GPN3: variants seen among roughly 807,000 people sequenced by gnomAD.
GPN3 encodes ATP-binding domain 1 family member C.
In GPN3, 31 loss-of-function variants were observed where a neutral mutation model predicts 38.7. The ratio of observed to expected loss-of-function variants is 0.80; its 90% CI spans 0.60 to 1.08. GPN3 has a LOEUF of 1.08. Ranked by LOEUF, GPN3 falls within the 50% of genes least tolerant of loss-of-function variation. GPN3 has a pLI of 0.00. For synonymous variants in GPN3, 116 were observed against 120.2 expected (o/e 0.96, Z 0.23); for missense variants, 301 against 354.4 (o/e 0.85, Z 1.21).
At chr12:110,462,918 G>A (rs1400452037) in intron 2 of GPN3, among the ~76,000 whole-genome samples, 3 of 152,026 alleles carry the variant, frequency 2.0e-5, no homozygotes, top group Admixed American at 6.6e-5. Context: ...CACCATGCCC[G>A]GCTAGTTTTT....
rs904980431 is a variant in GPN3, at chr12:110,458,876, T to G, written c.325+819A>C. Among the ~76,000 whole-genome samples, 9 of 152,152 alleles carry G rather than the reference T, an allele frequency of 5.9e-5. No homozygotes were observed. Among genetic ancestry groups the G allele is most frequent in the African/African-American group, 2.2e-4 (9 of 41,422 alleles). ...CCTACCAGTCACACCTCATGACAAT[T>G]GCCTCTTTGTTTATTATGCTCCAGC... On this transcript the variant is annotated intron_variant, in intron 3 of 7. Coordinates refer to ENST00000228827, the MANE Select transcript of GPN3 (RefSeq NM_016301.4). This position sits in a 1 kb window ranked among gnomAD's most constrained non-coding sequence, Gnocchi z 4.4.
At chr12:110,463,782 CAAA>C (rs780635794) in intron 2 of GPN3, among the ~76,000 whole-genome samples, 3 of 115,918 alleles carry the variant, frequency 2.6e-5, no homozygotes, top group African/African-American at 6.1e-5. Flanking sequence ...GACCCTGTCT[CAAA>C]AAAAAAAAAA....
chr12:110,453,782 G>T lies in GPN3; in HGVS notation c.753C>A (p.Ala251=). ...MNIVLQHIDF[A]IQYGEDLEFK... is the part of the protein sequence containing the mutation. ...ATTCTAGGTCTTCTCCATATTGAATGGCAAAATCAATATGCTGCAATACAA... is the reference window on the plus strand; with the variant it reads ...ATTCTAGGTCTTCTCCATATTGAATTGCAAAATCAATATGCTGCAATACAA... Residue 251 remains alanine, a synonymous_variant, in exon 7 of 8, where the codon GCC becomes GCA. Transcript: ENST00000228827. 6.3e-7 allele frequency: 1 copy of T among 1,591,978 alleles called. No individual in the cohort carries two copies. The highest frequency in any genetic ancestry group is 1.1e-5 in the South Asian group (1 of 90,578).
At chr12:110,455,126 AT>A (rs201656067) in intron 6 of GPN3, among the ~76,000 whole-genome samples, 1 of 149,812 alleles carries the variant, frequency 6.7e-6, no homozygotes, top group Non-Finnish European at 1.5e-5. Flanking sequence ...GCCTGGCCTA[AT>A]TTTTTTTTGT....
At chr12:110,456,642 T>C (rs2062551797) in intron 4 of GPN3, among the ~76,000 whole-genome samples, 1 of 151,918 alleles carries the variant, frequency 6.6e-6, no homozygotes, top group South Asian at 2.1e-4. Context: ...AAATAGACTA[T>C]TTTATAAAAT....
rs770798356 is a variant in GPN3 at position 110,457,621 on chromosome 12, C to T, written c.339G>A (p.Leu113=). The T allele has an allele frequency of 6.3e-7, 1 of 1,595,914 alleles. No homozygotes were observed. The highest frequency in any genetic ancestry group is 8.5e-7 in the Non-Finnish European group (1 of 1,170,216). The change falls in exon 4 of 8, where the codon TTG becomes TTA. Residue 113 remains leucine, a synonymous_variant. Coordinates refer to ENST00000228827, the MANE Select transcript of GPN3 (RefSeq NM_016301.4). ...ILFDCPGQIE[L]YTHLPVMKQL... ...GTTTCATCACAGGCAGGTGAGTGTA[C>T]AACTCAATCTGACCTACATGAAGAG...
chr12:110,454,700 T>C (rs1205564494), intron 6 of GPN3, among the ~76,000 whole-genome samples: 2 of 151,842 alleles, frequency 1.3e-5, no homozygotes, highest in Non-Finnish European at 2.9e-5. Flanking sequence ...CTCTGCTGCC[T>C]AGGCTAGAGC....
In GPN3 at chr12:110,461,042, G is replaced by A. The variant is rs2062584302; in HGVS notation, c.158-1180C>T. ...GAAAAAGGGCCATTCTGCCATCAAC[G>A]AAGTGGTAACCCGAGAATACACCAT... is the stretch of plus-strand genomic sequence containing the variant. On this transcript the variant is annotated intron_variant, in intron 2 of 7. Coordinates refer to ENST00000228827, the MANE Select transcript of GPN3 (RefSeq NM_016301.4). 1.4e-5 allele frequency: 22 copies of A among 1,589,638 alleles called. 1 individual carries two copies. In the South Asian group the frequency reaches 2.1e-4, roughly 15 times the overall value.
At chr12:110,461,443 T>C (rs917247979) in intron 2 of GPN3, 8 of 561,802 alleles carry the variant, frequency 1.4e-5, no homozygotes, top group Middle Eastern at 4.7e-4. Context: ...CAAACAAAAA[T>C]AGAAAAATTA....
At chr12:110,463,321 T>C (rs1273121995) in intron 2 of GPN3, among the ~76,000 whole-genome samples, 2 of 151,056 alleles carry the variant, frequency 1.3e-5, no homozygotes, top group South Asian at 2.1e-4. Context: ...CCAGGCATGA[T>C]AGTGTGTGCC....
chr12:110,462,858 G>A (rs138763504), intron 2 of GPN3, among the ~76,000 whole-genome samples: 2,159 of 152,254 alleles, frequency 0.014, 49 homozygotes, highest in African/African-American at 0.049. Flanking sequence ...CCGGGTGCAC[G>A]CCATTCTCCT....
chr12:110,463,411 C>T (rs1419003696), intron 2 of GPN3, among the ~76,000 whole-genome samples: 1 of 135,112 alleles, frequency 7.4e-6, no homozygotes, highest in Non-Finnish European at 1.5e-5. Context: ...GATCAGGCTA[C>T]TATACTATAT....
At position 110,458,037 on chromosome 12, in the gene GPN3, A is replaced by T. The variant is rs764857557; in HGVS notation, c.326-403T>A. On this transcript the variant is annotated intron_variant, in intron 3 of 7. Coordinates refer to ENST00000228827, the MANE Select transcript of GPN3 (RefSeq NM_016301.4). This position sits in a 1 kb window ranked among gnomAD's most constrained non-coding sequence, Gnocchi z 4.4. ...ATGCTGAGGCACAAGAATTGCTTAA[A>T]CCCGGGAGGAGGAGGCTGCAGTGAG... Among the ~76,000 whole-genome samples the T allele has an allele frequency of 2.6e-5, 4 of 151,916 alleles. No homozygotes were observed. Among genetic ancestry groups the T allele is most frequent in the African/African-American group, 7.3e-5 (3 of 41,342 alleles).
Position 110,453,826 on chromosome 12 carries a change from C to G in GPN3, c.709G>C (p.Asp237His). ...MVRFLPYDQS[D>H]EESMNIVLQH... Reference sequence around the variant, plus strand: ...AATACAATGTTCATGCTTTCTTCATCTGACTGATCGTAAGGTAAAAATCGA... The same window carrying G: ...AATACAATGTTCATGCTTTCTTCATGTGACTGATCGTAAGGTAAAAATCGA... Residue 237 changes from aspartate to histidine, a missense_variant, in exon 7 of 8, where the codon GAT becomes CAT. By Grantham distance (81) the Asp-to-His change is moderately conservative (BLOSUM62 -1). Coordinates refer to ENST00000228827, the MANE Select transcript of GPN3 (RefSeq NM_016301.4). The G allele has an allele frequency of 6.2e-7, 1 of 1,600,566 alleles. No homozygotes were observed. The highest frequency in any genetic ancestry group is 8.6e-7 in the Non-Finnish European group (1 of 1,167,720).
rs748504832 is a variant in GPN3, at chr12:110,453,837, T to C, written c.698A>G (p.Tyr233Cys). The C allele has an allele frequency of 4.8e-5, 77 of 1,605,336 alleles. No homozygotes were observed. The highest frequency in any genetic ancestry group is 8.0e-5 in the African/African-American group (6 of 74,778). The part of the protein sequence containing the change: ...DDYSMVRFLP[Y>C]DQSDEESMNI... ...CATGCTTTCTTCATCTGACTGATCG[T>C]AAGGTAAAAATCGAACCATGCTGTA... The change falls in exon 7 of 8, where the codon TAC becomes TGC. Residue 233 changes from tyrosine (Y) to cysteine (C), a missense_variant. By Grantham distance (194) the Tyr-to-Cys change is radical. Transcript: ENST00000228827.
At chr12:110,454,208 G>A (rs1193212536) in intron 6 of GPN3, among the ~76,000 whole-genome samples, 3 of 151,904 alleles carry the variant, frequency 2.0e-5, no homozygotes, top group Admixed American at 1.3e-4. Flanking sequence ...TTTATTTATT[G>A]GCCACTACCA....
rs764050990 is a variant in GPN3 at position 110,455,886 on chromosome 12, TAG to T, written c.493_494del (p.Leu165ArgfsTer16). The stretch of plus-strand genomic sequence containing the variant: ...TCATGATGTTGACTTGCGGAATTTC[TAG>T]AGAGATCATGGCACTCAGGGCTGCC... Reference protein sequence around the residue: ...ILAALSAMISLEIPQVNIMTK... With the variant: ...ILAALSAMISXEIPQVNIMTK... On this transcript the variant is annotated frameshift_variant, in exon 5 of 8. Transcript: ENST00000228827. LOFTEE classifies it high-confidence loss of function. The T allele has an allele frequency of 1.7e-5, 28 of 1,610,914 alleles. No homozygotes were observed. The highest frequency in any genetic ancestry group is 2.4e-5 in the Non-Finnish European group (28 of 1,177,028).
chr12:110,458,001 G>A lies in GPN3; in HGVS notation c.326-367C>T, dbSNP rs999791359. On this transcript the variant is annotated intron_variant, in intron 3 of 7. Coordinates refer to ENST00000228827, the MANE Select transcript of GPN3 (RefSeq NM_016301.4). The surrounding 1 kb of genome is among the most constrained non-coding windows in gnomAD (Gnocchi z 4.4). ...AAAAATTAGCCAGGCGTGGTGGTGC[G>A]CGCCTGTGGGATGCTGAGGCACAAG... 2.0e-5 allele frequency among the ~76,000 whole-genome samples: 3 copies of A among 151,954 alleles called. No individual in the cohort carries two copies. Among genetic ancestry groups the A allele is most frequent in the African/African-American group, 7.2e-5 (3 of 41,380 alleles).
In GPN3 at chr12:110,453,743, C is replaced by T. The variant is rs201798540; in HGVS notation, c.792G>A (p.Lys264=). Residue 264 remains lysine (K), a splice_region_variant and synonymous_variant, in exon 7 of 8, where the codon AAG becomes AAA. Coordinates refer to ENST00000228827, the MANE Select transcript of GPN3 (RefSeq NM_016301.4). ...ACAAACACCCCAAACCAGAAATTAC[C>T]TTTGGTTCTTTAAATTCTAGGTCTT... ...YGEDLEFKEP[K]EREDESSSMF... is the part of the protein sequence containing the mutation. The T allele has an allele frequency of 3.7e-6, 6 of 1,607,222 alleles. No homozygotes were observed. The Admixed American group carries it at 1.0e-4, about 27-fold the overall frequency.
Sources: gnomAD v4.1 joint callset for allele counts (sites outside exome capture counted in the v4.1 genomes callset) on GRCh38, gnomAD v4.1.1 for gene constraint, Gnocchi (gnomAD v3.1) non-coding constraint, MANE v1.5 for transcripts, NCBI Gene and HGNC (gene_info 2026-07-23, HGNC 2026-07-21) for gene names.